The following UTP15 variants were observed in gnomAD, a reference collection of about 807,000 sequenced individuals.
The protein encoded by UTP15 is UTP15 small subunit processome component, also known as U3 small nucleolar RNA-associated protein 15 homolog.
In UTP15, 5 loss-of-function variants were observed where a neutral mutation model predicts 59.1. The ratio of observed to expected loss-of-function variants is 0.08; its 90% CI spans 0.04 to 0.18. The LOEUF (loss-of-function observed/expected upper bound fraction) is 0.18, where lower values mean the gene tolerates loss of function less well. UTP15 is among the 10% of genes least tolerant of loss of function. The pLI is 1.00. For synonymous variants in UTP15, 211 were observed against 212.2 expected (o/e 0.99, Z 0.05); for missense variants, 494 against 616.7 (o/e 0.80, Z 2.11).
intron 7 of UTP15, among the ~76,000 whole-genome samples, chr5:73,573,254 T>G (rs1580391282): frequency 6.6e-6 from 1 of 151,640 alleles, no homozygotes; most frequent in Middle Eastern, 3.2e-3. Context: ...TGAAGTTTTT[T>G]TTTTTTTTTT....
chr5:73,567,539 C>T, intron 2 of UTP15, 105 bp downstream of exon 2: 1 of 755,000 alleles, frequency 1.3e-6, no homozygotes, highest in Non-Finnish European at 2.1e-6. Flanking sequence ...AACTGAAAAC[C>T]ATCTATCAGC....
intron 1 of UTP15, among the ~76,000 whole-genome samples, chr5:73,566,793 T>C (rs771829511): frequency 6.6e-6 from 1 of 152,264 alleles, no homozygotes; most frequent in Non-Finnish European, 1.5e-5. Flanking sequence ...AGCTTCTACA[T>C]TAGAATATTA....
At chr5:73,565,967 G>A (rs1222229613) in intron 1 of UTP15, 55 bp downstream of exon 1, 1 of 445,764 alleles carries the variant, frequency 2.2e-6, no homozygotes, top group African/African-American at 2.0e-5. Context: ...CGGCCTTCCT[G>A]TGTTAATCTG....
chr5:73,570,820 G>C (rs1747910609), intron 6 of UTP15, 109 bp downstream of exon 6: 4 of 1,464,566 alleles, frequency 2.7e-6, no homozygotes, highest in Non-Finnish European at 3.7e-6. Flanking sequence ...GCATATCTAA[G>C]TCTTTGTTCA....
chr5:73,569,706 A>T, intron 5 of UTP15, 31 bp downstream of exon 5: 1 of 1,520,312 alleles, frequency 6.6e-7, no homozygotes. Context: ...CCTGAAGCAA[A>T]TAATCTCACG....
intron 6 of UTP15, 91 bp from the exon 7 acceptor site, chr5:73,572,398 T>G: frequency 6.6e-7 from 1 of 1,522,980 alleles, no homozygotes; most frequent in South Asian, 1.3e-5. Flanking sequence ...CTCCATGCTT[T>G]GTGGAGTGTC....
intron 1 of UTP15, among the ~76,000 whole-genome samples, chr5:73,566,477 A>G (rs1485925122): frequency 6.6e-6 from 1 of 152,190 alleles, no homozygotes; most frequent in Non-Finnish European, 1.5e-5. Flanking sequence ...AAATACAATC[A>G]TTGGTCATTG....
intron 7 of UTP15, among the ~76,000 whole-genome samples, chr5:73,574,590 C>T (rs955460244): frequency 6.6e-6 from 1 of 151,716 alleles, no homozygotes; most frequent in African/African-American, 2.4e-5. Context: ...TGGCTTCGAG[C>T]GATCCCCTCG....
rs1389885801 is a variant in UTP15 at position 73,565,786 on chromosome 5, G to T, written c.-210G>T. 4.4e-6 allele frequency: 2 copies of T among 456,168 alleles called. No individual in the cohort carries two copies. Among genetic ancestry groups the T allele is most frequent in the East Asian group, 1.4e-4 (2 of 14,392 alleles). 28.3% of individuals were successfully genotyped at this position (456,168 alleles called of 1,614,324 possible). A position where few individuals can be genotyped will look rare whatever the true frequency, so the allele number is the denominator to read the frequency against. The stretch of plus-strand genomic sequence containing the variant: ...GTTCGGTTCGCTGTGTGTGTCGCCG[G>T]CTCCTTGAGGGTCCATGTGATTTTT... On this transcript the variant is annotated 5_prime_UTR_variant, in exon 1 of 13. Transcript: ENST00000296792.
rs1338878986 is a variant in UTP15 at position 73,580,705 on chromosome 5, A to G, written c.*611A>G. ...GCTCTGAAGAACTGACACTAGCTAG[A>G]TTTGTATTCAGAGTGTGAGAGCAAG... is the stretch of plus-strand genomic sequence containing the variant. On this transcript the variant is annotated 3_prime_UTR_variant, in exon 13 of 13. Coordinates refer to ENST00000296792, the MANE Select transcript of UTP15 (RefSeq NM_032175.4). 6.6e-6 allele frequency: 1 copy of G among 151,850 alleles called. No homozygotes were observed. The highest frequency in any genetic ancestry group is 1.5e-5 in the Non-Finnish European group (1 of 68,030). 9.4% of individuals were successfully genotyped at this position (151,850 alleles called of 1,614,324 possible).
intron 12 of UTP15, 143 bp downstream of exon 12, chr5:73,579,518 C>T (rs577011475): frequency 2.8e-6 from 2 of 716,974 alleles, no homozygotes; most frequent in African/African-American, 1.8e-5. Context: ...AACAACAAGT[C>T]AGTGCAGTTT....
chr5:73,579,172 C>T (rs1561280487), intron 11 of UTP15, 22 bp downstream of exon 11: 1 of 1,612,774 alleles, frequency 6.2e-7, no homozygotes, highest in Admixed American at 1.7e-5. Flanking sequence ...GTCTGTGAAA[C>T]ACTTACATTT....
At chr5:73,578,650 C>A in intron 9 of UTP15, 101 bp from the exon 10 acceptor site, 2 of 938,852 alleles carry the variant, frequency 2.1e-6, no homozygotes, top group Non-Finnish European at 3.3e-6. Flanking sequence ...TTATTTGTGA[C>A]ATAGTTCAGA....
chr5:73,579,733 A>G (rs1748240606), intron 12 of UTP15, 144 bp from the exon 13 acceptor site: 1 of 499,390 alleles, frequency 2.0e-6, no homozygotes, highest in Non-Finnish European at 3.4e-6. Context: ...TATACTTTCT[A>G]TAAATCATTA....
rs1748362553 is a variant in UTP15, at chr5:73,582,800, A to C, written c.*2706A>C. On this transcript the variant is annotated 3_prime_UTR_variant, in exon 13 of 13. Coordinates refer to ENST00000296792, the MANE Select transcript of UTP15 (RefSeq NM_032175.4). ...ACTGGCCTTAAGATTCTAATTTAAA[A>C]TGCTTAACAGACTTTTAGACTTATG... is the stretch of plus-strand genomic sequence containing the variant. 1 of 152,238 alleles carries C rather than the reference A, an allele frequency of 6.6e-6. No homozygotes were observed. Among genetic ancestry groups the C allele is most frequent in the Non-Finnish European group, 1.5e-5 (1 of 68,044 alleles). 9.4% of individuals were successfully genotyped at this position (152,238 alleles called of 1,614,324 possible). A position where few individuals can be genotyped will look rare whatever the true frequency, so the allele number is the denominator to read the frequency against.
At position 73,582,758 on chromosome 5, in the gene UTP15, A is replaced by G. The variant is rs543077883; in HGVS notation, c.*2664A>G. The G allele has an allele frequency of 6.6e-6, 1 of 152,262 alleles. No individual in the cohort carries two copies. The highest frequency in any genetic ancestry group is 1.5e-5 in the Non-Finnish European group (1 of 68,046). 9.4% of individuals were successfully genotyped at this position (152,262 alleles called of 1,614,324 possible). On this transcript the variant is annotated 3_prime_UTR_variant, in exon 13 of 13. Transcript: ENST00000296792. ...TTTGAAGTATTTAAACATAATTGGC[A>G]TATTACAATATGTGACACTGGCCTT...
In UTP15 at chr5:73,580,007, T is replaced by G; in HGVS notation, c.1470T>G (p.Leu490=). 1 of 1,613,890 alleles carries G rather than the reference T, an allele frequency of 6.2e-7. No individual in the cohort carries two copies. Among genetic ancestry groups the G allele is most frequent in the Non-Finnish European group, 8.5e-7 (1 of 1,179,856 alleles). Residue 490 remains leucine (L), a synonymous_variant, in exon 13 of 13, where the codon CTT becomes CTG. Coordinates refer to ENST00000296792, the MANE Select transcript of UTP15 (RefSeq NM_032175.4). ...LLETLGMMDM[L]FATMRRKEGT... is the part of the protein sequence containing the mutation. Reference sequence around the variant, plus strand: ...AAACCTTGGGGATGATGGATATGCTTTTTGCCACCATGAGAAGGAAGGAAG... The same window carrying G: ...AAACCTTGGGGATGATGGATATGCTGTTTGCCACCATGAGAAGGAAGGAAG...
At chr5:73,574,433 G>A (rs1265138586) in intron 7 of UTP15, among the ~76,000 whole-genome samples, 1 of 151,942 alleles carries the variant, frequency 6.6e-6, no homozygotes, top group East Asian at 1.9e-4. Flanking sequence ...CAAGTGGTCA[G>A]TAGCCATGTG....
At position 73,570,496 on chromosome 5, in the gene UTP15, C is replaced by T. The variant is rs1580388962; in HGVS notation, c.548-90C>T. 5.9e-6 allele frequency: 8 copies of T among 1,353,012 alleles called. No individual in the cohort carries two copies. The East Asian group carries it at 2.0e-4, about 33-fold the overall frequency. The allele number at this position is 1,353,012 out of a possible 1,614,324, so 83.8% of individuals were successfully genotyped here. ...ATGTCTTTTTAAAACTCCATCTAAG[C>T]TTTTTTTCCTTTTAAAATTTATATC... On this transcript the variant is annotated intron_variant, in intron 5 of 12. Coordinates refer to ENST00000296792, the MANE Select transcript of UTP15 (RefSeq NM_032175.4).
Sources: gnomAD v4.1 joint callset for allele counts (sites outside exome capture counted in the v4.1 genomes callset) on GRCh38, gnomAD v4.1.1 for gene constraint, MANE v1.5 for transcripts, NCBI Gene and HGNC (gene_info 2026-07-23, HGNC 2026-07-21) for gene names.